CAMK1D: variants seen among roughly 807,000 people sequenced by gnomAD.
CAMK1D encodes calcium/calmodulin dependent protein kinase ID.
In CAMK1D, 9 loss-of-function variants were observed where a neutral mutation model predicts 47.7. That is an observed-to-expected ratio of 0.19 (90% confidence interval 0.11 to 0.33). The LOEUF (loss-of-function observed/expected upper bound fraction) is 0.33. CAMK1D is among the 10% of genes least tolerant of loss of function. CAMK1D has a pLI of 1.00. For missense variants in CAMK1D, 291 were observed against 488.7 expected (o/e 0.60, Z 3.81); for synonymous variants, 184 against 184.9 (o/e 0.99, Z 0.04).
At chr10:12,373,055 G>A (rs1401035301) in intron 1 of CAMK1D, among the ~76,000 whole-genome samples, 5 of 152,188 alleles carry the variant, frequency 3.3e-5, no homozygotes, top group South Asian at 2.1e-4. Context: ...TTTAACAGAC[G>A]TTTGCAAAGC....
chr10:12,352,735 ACTTT>A (rs148760268), intron 1 of CAMK1D, among the ~76,000 whole-genome samples: 73,785 of 143,026 alleles, frequency 0.52, 18,846 homozygotes, highest in Non-Finnish European at 0.57. Context: ...GCTTCTGTGG[ACTTT>A]CTTTTTTTTT....
chr10:12,827,448 T>C (rs1172756920), intron 10 of CAMK1D, among the ~76,000 whole-genome samples: 12 of 123,234 alleles, frequency 9.7e-5, no homozygotes, highest in Middle Eastern at 3.6e-3. Flanking sequence ...TCTTTCTTTC[T>C]TTCTTTTCTT....
At chr10:12,505,158 C>T (rs572587978) in intron 1 of CAMK1D, among the ~76,000 whole-genome samples, 1 of 152,210 alleles carries the variant, frequency 6.6e-6, no homozygotes, top group African/African-American at 2.4e-5. Flanking sequence ...ATGCAGAAGC[C>T]GTCCGTGTGA....
At chr10:12,365,586 T>C (rs977017108) in intron 1 of CAMK1D, among the ~76,000 whole-genome samples, 3 of 151,938 alleles carry the variant, frequency 2.0e-5, no homozygotes, top group South Asian at 2.1e-4. Flanking sequence ...CTACAGGCGC[T>C]TGCCACCATG....
At chr10:12,354,070 G>C (rs1252641602) in intron 1 of CAMK1D, among the ~76,000 whole-genome samples, 1 of 152,176 alleles carries the variant, frequency 6.6e-6, no homozygotes, top group East Asian at 1.9e-4. Context: ...GAATGGAAAG[G>C]CCTGGGTACT....
chr10:12,522,210 T>C lies in CAMK1D; in HGVS notation c.93-31015T>C, dbSNP rs534292483. 6.4e-5 allele frequency among the ~76,000 whole-genome samples: 9 copies of C among 139,732 alleles called. No homozygotes were observed. In the East Asian group the frequency reaches 1.3e-3, roughly 20 times the overall value. 91.7% of individuals were successfully genotyped at this position (139,732 alleles called of 152,430 possible). ...TATTTCCTTTTTTTTTCTTTTTTTTTTTTTTTATTGATCATTCTTGGGTGT... is the reference window on the plus strand; with the variant it reads ...TATTTCCTTTTTTTTTCTTTTTTTTCTTTTTTATTGATCATTCTTGGGTGT... On this transcript the variant is annotated intron_variant, in intron 1 of 10. Coordinates refer to ENST00000619168, the MANE Select transcript of CAMK1D (RefSeq NM_153498.4).
chr10:12,667,931 A>G (rs546216527), intron 3 of CAMK1D, among the ~76,000 whole-genome samples: 12 of 152,368 alleles, frequency 7.9e-5, no homozygotes, highest in Non-Finnish European at 1.3e-4. Context: ...AAAGCTGTCT[A>G]TGCCAGAAGC....
chr10:12,717,129 TA>T (rs1346516659), intron 3 of CAMK1D, among the ~76,000 whole-genome samples: 3 of 152,228 alleles, frequency 2.0e-5, no homozygotes, highest in Non-Finnish European at 2.9e-5. Flanking sequence ...AATATCTTTT[TA>T]AAAAGCAGTC....
chr10:12,416,823 C>G (rs1220350099), intron 1 of CAMK1D, among the ~76,000 whole-genome samples: 1 of 152,236 alleles, frequency 6.6e-6, no homozygotes, highest in Non-Finnish European at 1.5e-5. Flanking sequence ...AGGGCTTCCC[C>G]TTTGCTCCCA....
intron 1 of CAMK1D, among the ~76,000 whole-genome samples, chr10:12,373,798 G>T (rs1378910393): frequency 2.6e-5 from 4 of 151,886 alleles, no homozygotes; most frequent in Non-Finnish European, 4.4e-5. Context: ...GGGCAGTCCA[G>T]ATGCGGTGGC....
At chr10:12,729,765 A>G (rs1428514953) in intron 3 of CAMK1D, among the ~76,000 whole-genome samples, 1 of 152,242 alleles carries the variant, frequency 6.6e-6, no homozygotes, top group Non-Finnish European at 1.5e-5. Flanking sequence ...GAGGTTGCAG[A>G]TATTTTCAGG....
At chr10:12,481,971 C>T (rs920906039) in intron 1 of CAMK1D, among the ~76,000 whole-genome samples, 2 of 152,242 alleles carry the variant, frequency 1.3e-5, no homozygotes, top group African/African-American at 4.8e-5. Context: ...AATTACTCTC[C>T]ATCAGTCTGC....
At chr10:12,365,788 C>T (rs1361711011) in intron 1 of CAMK1D, among the ~76,000 whole-genome samples, 1 of 152,164 alleles carries the variant, frequency 6.6e-6, no homozygotes. Flanking sequence ...TGGGGTGGCT[C>T]ACGCCTGTAA....
In CAMK1D at chr10:12,421,511, C is replaced by CTTTTTTTT. The variant is rs71384322; in HGVS notation, c.92+71626_92+71633dup. 8.9e-4 allele frequency among the ~76,000 whole-genome samples: 45 copies of CTTTTTTTT among 50,752 alleles called. 6 individuals carry two copies. The highest frequency in any genetic ancestry group is 0.023 in the Middle Eastern group (1 of 44). 33.3% of individuals were successfully genotyped at this position (50,752 alleles called of 152,430 possible). ...CATGCTGGGCCATTTATCCAGGATT[C>CTTTTTTTT]TTTTTTTTTTTTTTTTTTTTTTTTT... On this transcript the variant is annotated intron_variant, in intron 1 of 10. Transcript: ENST00000619168.
chr10:12,810,172 G>T (rs1174461170), intron 6 of CAMK1D, among the ~76,000 whole-genome samples: 1 of 82,536 alleles, frequency 1.2e-5, no homozygotes, highest in Non-Finnish European at 2.3e-5. Flanking sequence ...AAAAAAAGGC[G>T]TTAGGAGGGT....
At chr10:12,647,268 C>T (rs1479150818) in intron 2 of CAMK1D, among the ~76,000 whole-genome samples, 1 of 150,450 alleles carries the variant, frequency 6.6e-6, no homozygotes, top group Non-Finnish European at 1.5e-5. Flanking sequence ...CCTGACTCAG[C>T]CTCCCGAGTA....
At chr10:12,606,629 C>G (rs941902241) in intron 2 of CAMK1D, among the ~76,000 whole-genome samples, 3 of 152,148 alleles carry the variant, frequency 2.0e-5, no homozygotes, top group Admixed American at 2.0e-4. Flanking sequence ...GCTCATTTCT[C>G]TCCTGCCGTA....
At chr10:12,653,848 GCTT>G (rs1840047128) in intron 2 of CAMK1D, among the ~76,000 whole-genome samples, 1 of 152,114 alleles carries the variant, frequency 6.6e-6, no homozygotes, top group African/African-American at 2.4e-5. Context: ...TGTTCCTGAT[GCTT>G]CATTATCTCG....
At chr10:12,481,591 C>T (rs1834067387) in intron 1 of CAMK1D, among the ~76,000 whole-genome samples, 1 of 152,054 alleles carries the variant, frequency 6.6e-6, no homozygotes, top group African/African-American at 2.4e-5. Context: ...TTCACTGCAA[C>T]CTCCGCCTCC....
Sources: gnomAD v4.1 joint callset for allele counts (sites outside exome capture counted in the v4.1 genomes callset) on GRCh38, gnomAD v4.1.1 for gene constraint, MANE v1.5 for transcripts, NCBI Gene and HGNC (gene_info 2026-07-23, HGNC 2026-07-21) for gene names.